Variants in SEMA3F observed in about 807,000 individuals in gnomAD.
The protein encoded by SEMA3F is semaphorin 3F.
SEMA3F carries 30 observed loss-of-function variants against 98.5 expected under a neutral mutation model. The observed-to-expected ratio is 0.30, with a 90% CI of 0.23 to 0.41. The LOEUF is 0.41. SEMA3F is among the 10% of genes least tolerant of loss of function. The pLI is 1.00. For synonymous variants in SEMA3F, 380 were observed against 444.8 expected (o/e 0.85, Z 1.83); for missense variants, 866 against 1,119.3 (o/e 0.77, Z 3.23).
At chr3:50,157,449 T>C (rs1698031771) in intron 1 of SEMA3F, among the ~76,000 whole-genome samples, 1 of 151,956 alleles carries the variant, frequency 6.6e-6, no homozygotes, top group Non-Finnish European at 1.5e-5. Context: ...CAGGTGGCGG[T>C]GGCTGTTCTT....
Position 50,155,395 on chromosome 3 carries a change from C to A in SEMA3F, c.-218C>A. The A allele has an allele frequency of 3.5e-6, 1 of 282,144 alleles. No homozygotes were observed. The highest frequency in any genetic ancestry group is 6.5e-6 in the Non-Finnish European group (1 of 153,998). The allele number at this position is 282,144 out of a possible 1,614,324, so 17.5% of individuals were successfully genotyped here. A position where few individuals can be genotyped will look rare whatever the true frequency, so the allele number is the denominator to read the frequency against. On this transcript the variant is annotated 5_prime_UTR_variant, in exon 1 of 19. Coordinates refer to ENST00000002829, the MANE Select transcript of SEMA3F (RefSeq NM_004186.5). The surrounding 1 kb of genome is among the most constrained non-coding windows in gnomAD (Gnocchi z 4.9). ...CGGCTGCTGACGCGCCCGAAGCCCG[C>A]GGAACCGGTTAAGCCGCGGCCGCGG...
Position 50,182,678 on chromosome 3 carries a change from C to T in SEMA3F, c.798C>T (p.Asp266=). ...TCATCCATGCTGAGCTCATTCCTGA[C>T]AGTGCGGAGCGCAATGATGATAAGC... The part of the protein sequence containing the change: ...PSFIHAELIP[D]SAERNDDKLY... The change falls in exon 9 of 19, where the codon GAC becomes GAT. Residue 266 remains aspartate (D), a synonymous_variant. Transcript: ENST00000002829. This position sits in a 1 kb window ranked among gnomAD's most constrained non-coding sequence, Gnocchi z 4.5. 1.9e-6 allele frequency: 3 copies of T among 1,613,596 alleles called. No homozygotes were observed. Among genetic ancestry groups the T allele is most frequent in the East Asian group, 2.2e-5 (1 of 44,900 alleles).
intron 2 of SEMA3F, among the ~76,000 whole-genome samples, chr3:50,169,373 G>A (rs1698518729): frequency 6.6e-6 from 1 of 152,206 alleles, no homozygotes; most frequent in South Asian, 2.1e-4. Context: ...GCCGCTTTGG[G>A]CTGGGACCCC....
At chr3:50,185,061 T>C (rs1237274162) in intron 13 of SEMA3F, among the ~76,000 whole-genome samples, 5 of 152,264 alleles carry the variant, frequency 3.3e-5, no homozygotes, top group African/African-American at 1.2e-4. Context: ...GGGACTTATG[T>C]ATGTATGGCA....
At chr3:50,162,372 C>T (rs1698238956) in intron 2 of SEMA3F, among the ~76,000 whole-genome samples, 1 of 152,228 alleles carries the variant, frequency 6.6e-6, no homozygotes, top group African/African-American at 2.4e-5. Flanking sequence ...GCTCCTATGG[C>T]CCAGCTTCTG....
At chr3:50,170,539 G>A (rs1056414651) in intron 2 of SEMA3F, among the ~76,000 whole-genome samples, 2 of 152,140 alleles carry the variant, frequency 1.3e-5, no homozygotes, top group African/African-American at 4.8e-5. Flanking sequence ...TGAAGGATGG[G>A]TTGGGGGAAG....
At chr3:50,184,089 G>C (rs1276320119) in intron 12 of SEMA3F, among the ~76,000 whole-genome samples, 2 of 152,168 alleles carry the variant, frequency 1.3e-5, no homozygotes, top group Non-Finnish European at 2.9e-5. Flanking sequence ...GGGGGACAGG[G>C]GAAGCTTCCC....
Position 50,183,435 on chromosome 3 carries a change from C to T in SEMA3F, c.1104C>T (p.Gly368=). The change falls in exon 12 of 19, where the codon GGC becomes GGT. Residue 368 remains glycine (G), a synonymous_variant. Transcript: ENST00000002829. ...ATGCCCACAGCTCCGTGTTCCGAGG[C>T]TCTGCCGTGTGTGTCTACTCCATGG... ...VFTSSGSVFR[G]SAVCVYSMAD... is the part of the protein sequence containing the mutation. The T allele has an allele frequency of 6.2e-7, 1 of 1,614,070 alleles. No individual in the cohort carries two copies. Among genetic ancestry groups the T allele is most frequent in the African/African-American group, 1.3e-5 (1 of 75,068 alleles).
chr3:50,183,814 T>TG (rs1000508707), intron 12 of SEMA3F, among the ~76,000 whole-genome samples: 16 of 152,092 alleles, frequency 1.1e-4, no homozygotes, highest in African/African-American at 3.9e-4. Context: ...TGGGGCTGTT[T>TG]GGGAGCTGAA....
chr3:50,186,340 A>C lies in SEMA3F; in HGVS notation c.1805A>C (p.Asn602Thr), dbSNP rs1221372137. 2 of 1,613,670 alleles carry C rather than the reference A, an allele frequency of 1.2e-6. No individual in the cohort carries two copies. The highest frequency in any genetic ancestry group is 1.1e-5 in the South Asian group (1 of 91,058). Residue 602 changes from asparagine to threonine, a missense_variant, in exon 17 of 19, where the codon AAC becomes ACC. By Grantham distance (65) the Asn-to-Thr change is moderately conservative. This residue lies in a region of SEMA3F where 245 missense variants were observed against 260.5 expected (regional missense o/e 0.94). Coordinates refer to ENST00000002829, the MANE Select transcript of SEMA3F (RefSeq NM_004186.5). Reference protein sequence around the residue: ...GNPIRQCRGFNSNANKNAVES... With the variant: ...GNPIRQCRGFTSNANKNAVES... ...CCCATCAGGCAGTGCCGTGGGTTCA[A>C]CTCCAATGGTGAGTATGCTGGGCCT...
intron 2 of SEMA3F, among the ~76,000 whole-genome samples, chr3:50,161,407 G>A (rs74595980): frequency 1.3e-5 from 2 of 152,344 alleles, no homozygotes; most frequent in East Asian, 3.9e-4. Flanking sequence ...TAGAACCCTG[G>A]TGTCCTGGCC....
At chr3:50,172,939 G>T (rs1698667775) in intron 2 of SEMA3F, among the ~76,000 whole-genome samples, 1 of 152,182 alleles carries the variant, frequency 6.6e-6, no homozygotes, top group South Asian at 2.1e-4. Flanking sequence ...CCCACCCTGA[G>T]CGTGGGAGCA....
chr3:50,183,051 GCTACAGCAA>G, intron 10 of SEMA3F, 33 bp downstream of exon 10: 1 of 1,597,544 alleles, frequency 6.3e-7, no homozygotes, highest in Non-Finnish European at 8.6e-7. Flanking sequence ...GGGTGCTCTG[GCTACAGCAA>G]GAGGGATAGA....
At chr3:50,164,779 C>T (rs971145757) in intron 2 of SEMA3F, among the ~76,000 whole-genome samples, 1 of 152,244 alleles carries the variant, frequency 6.6e-6, no homozygotes. Context: ...CTCAGACTGT[C>T]TTGCTTGCAT....
At position 50,158,899 on chromosome 3, in the gene SEMA3F, C is replaced by A. The variant is rs780664614; in HGVS notation, c.-48-676C>A. The A allele has an allele frequency of 6.6e-6, 1 of 152,298 alleles. No individual in the cohort carries two copies. Among genetic ancestry groups the A allele is most frequent in the Non-Finnish European group, 1.5e-5 (1 of 68,114 alleles). 9.4% of individuals were successfully genotyped at this position (152,298 alleles called of 1,614,324 possible). A position where few individuals can be genotyped will look rare whatever the true frequency, so the allele number is the denominator to read the frequency against. On this transcript the variant is annotated intron_variant, in intron 1 of 18. Coordinates refer to ENST00000002829, the MANE Select transcript of SEMA3F (RefSeq NM_004186.5). The surrounding 1 kb of genome is among the most constrained non-coding windows in gnomAD (Gnocchi z 4.8). ...TGGCCATCCTAGCTTCCCTTCTTTG[C>A]CCTCTAGAGGCGGAGCTGGAAGTTT...
chr3:50,173,977 A>T (rs757242592), intron 3 of SEMA3F, 24 bp downstream of exon 3: 1 of 1,613,950 alleles, frequency 6.2e-7, no homozygotes. Context: ...CTGATGTGGG[A>T]CGTGGGGTGG....
intron 7 of SEMA3F, among the ~76,000 whole-genome samples, chr3:50,178,933 G>A (rs1260143575): frequency 7.0e-6 from 1 of 142,896 alleles, no homozygotes. Context: ...CCGGGTTCAC[G>A]CCACTCTCCT....
At chr3:50,176,377 A>G (rs1482672517) in intron 6 of SEMA3F, among the ~76,000 whole-genome samples, 4 of 152,144 alleles carry the variant, frequency 2.6e-5, no homozygotes, top group African/African-American at 9.7e-5. Context: ...TCTTGACCCA[A>G]GACAGGCAGC....
intron 7 of SEMA3F, among the ~76,000 whole-genome samples, chr3:50,181,940 T>G (rs1319740496): frequency 6.6e-6 from 1 of 152,176 alleles, no homozygotes. Context: ...GCTCTTGAGG[T>G]GATTTACATT....
Sources: gnomAD v4.1 joint callset for allele counts (sites outside exome capture counted in the v4.1 genomes callset) on GRCh38, gnomAD v4.1.1 for gene constraint, gnomAD v4.1.1 regional missense constraint, Gnocchi (gnomAD v3.1) non-coding constraint, MANE v1.5 for transcripts, NCBI Gene and HGNC (gene_info 2026-07-23, HGNC 2026-07-21) for gene names.